FER: variants seen among roughly 807,000 people sequenced by gnomAD.
FER encodes the protein FER tyrosine kinase.
FER carries 63 observed loss-of-function variants against 111.0 expected under a neutral mutation model. The observed-to-expected ratio is 0.57, with a 90% CI of 0.46 to 0.70. The LOEUF (loss-of-function observed/expected upper bound fraction) is 0.70. FER is among the 30% of genes least tolerant of loss of function. The pLI is 0.00. For missense variants in FER, 914 were observed against 954.0 expected (o/e 0.96, Z 0.55); for synonymous variants, 327 against 313.9 (o/e 1.04, Z -0.44).
At chr5:108,873,279 A>C (rs1337015832) in intron 8 of FER, among the ~76,000 whole-genome samples, 3 of 151,986 alleles carry the variant, frequency 2.0e-5, no homozygotes, top group African/African-American at 7.3e-5. Flanking sequence ...GAGTAGCTGG[A>C]TTACAGGCAT....
chr5:108,837,440 A>G (rs571549681), intron 5 of FER, among the ~76,000 whole-genome samples: 1 of 152,312 alleles, frequency 6.6e-6, no homozygotes, highest in East Asian at 1.9e-4. Flanking sequence ...TTACTTCTTA[A>G]TCTGTCAAAA....
chr5:108,793,612 T>C (rs1320059163), intron 2 of FER, among the ~76,000 whole-genome samples: 2 of 151,756 alleles, frequency 1.3e-5, no homozygotes, highest in Non-Finnish European at 2.9e-5. Context: ...CTGTTCTCCA[T>C]AGTGGTTGTA....
chr5:108,944,375 C>T (rs763502213), intron 10 of FER, among the ~76,000 whole-genome samples: 37 of 152,208 alleles, frequency 2.4e-4, no homozygotes, highest in Non-Finnish European at 5.0e-4. Flanking sequence ...TTGTGAGGGG[C>T]CATCCTTTTG....
intron 5 of FER, among the ~76,000 whole-genome samples, chr5:108,853,160 C>A (rs561429020): frequency 6.6e-6 from 1 of 152,152 alleles, no homozygotes; most frequent in South Asian, 2.1e-4. Context: ...GTGATCTGAA[C>A]AGCACAAGGT....
intron 3 of FER, among the ~76,000 whole-genome samples, chr5:108,832,359 G>GATGC (rs1486472257): frequency 6.6e-6 from 1 of 152,190 alleles, no homozygotes; most frequent in African/African-American, 2.4e-5. Context: ...GCCACAGAGA[G>GATGC]ATGCAGGTTA....
intron 10 of FER, among the ~76,000 whole-genome samples, chr5:108,915,487 C>T (rs1752149293): frequency 6.6e-6 from 1 of 152,026 alleles, no homozygotes; most frequent in Non-Finnish European, 1.5e-5. Flanking sequence ...AAACAAATAA[C>T]TACTTTCTGA....
At chr5:108,810,443 C>T (rs907792997) in intron 3 of FER, among the ~76,000 whole-genome samples, 1 of 152,236 alleles carries the variant, frequency 6.6e-6, no homozygotes, top group Admixed American at 6.5e-5. Flanking sequence ...GCAGGCCTGC[C>T]TACCTGTCGC....
At chr5:108,921,690 G>A (rs528140808) in intron 10 of FER, among the ~76,000 whole-genome samples, 31 of 152,206 alleles carry the variant, frequency 2.0e-4, no homozygotes, top group East Asian at 9.7e-4. Context: ...TAGAAAAGAC[G>A]TTGACAATGT....
At chr5:108,855,355 G>T (rs954498595) in intron 5 of FER, among the ~76,000 whole-genome samples, 1 of 152,142 alleles carries the variant, frequency 6.6e-6, no homozygotes, top group Non-Finnish European at 1.5e-5. Flanking sequence ...AAGACCGGCC[G>T]GGCGCGGTGG....
intron 5 of FER, among the ~76,000 whole-genome samples, chr5:108,863,705 C>G (rs1763753270): frequency 6.6e-6 from 1 of 151,966 alleles, no homozygotes; most frequent in Non-Finnish European, 1.5e-5. Context: ...TTACTGATTT[C>G]TGATAAACAT....
At chr5:109,046,564 C>T (rs909842192) in intron 15 of FER, among the ~76,000 whole-genome samples, 4 of 151,810 alleles carry the variant, frequency 2.6e-5, no homozygotes, top group Non-Finnish European at 5.9e-5. Flanking sequence ...GACTCATTTG[C>T]ATCCACATTA....
intron 16 of FER, among the ~76,000 whole-genome samples, chr5:109,092,298 A>AT (rs1561884012): frequency 7.0e-6 from 1 of 143,282 alleles, no homozygotes; most frequent in Non-Finnish European, 1.5e-5. Context: ...AAAAAAAAAA[A>AT]AAAAAAAAAA....
chr5:108,918,955 G>A (rs2040560681), intron 10 of FER, among the ~76,000 whole-genome samples: 1 of 152,204 alleles, frequency 6.6e-6, no homozygotes, highest in African/African-American at 2.4e-5. Context: ...TGTAAAATTA[G>A]TAGGATTTGT....
At chr5:108,880,031 T>A (rs1765531599) in intron 8 of FER, among the ~76,000 whole-genome samples, 1 of 152,062 alleles carries the variant, frequency 6.6e-6, no homozygotes. Flanking sequence ...ATTTTATTCT[T>A]CTAAATTCAT....
At chr5:108,950,294 G>C (rs1757547227) in intron 11 of FER, among the ~76,000 whole-genome samples, 1 of 152,076 alleles carries the variant, frequency 6.6e-6, no homozygotes, top group African/African-American at 2.4e-5. Context: ...TACTATCCTA[G>C]AGAACAGTTT....
intron 17 of FER, among the ~76,000 whole-genome samples, chr5:109,105,778 A>C (rs763736902): frequency 1.3e-5 from 2 of 152,200 alleles, no homozygotes; most frequent in Non-Finnish European, 2.9e-5. Flanking sequence ...TTAAGGGCTC[A>C]CTGAGTACTA....
chr5:108,881,349 G>C (rs1765655314), intron 8 of FER, among the ~76,000 whole-genome samples: 1 of 152,154 alleles, frequency 6.6e-6, no homozygotes, highest in Non-Finnish European at 1.5e-5. Context: ...CAGGCAAAGA[G>C]AGTTTGTGCA....
At chr5:109,037,950 A>G (rs931933452) in intron 14 of FER, among the ~76,000 whole-genome samples, 34 of 151,940 alleles carry the variant, frequency 2.2e-4, no homozygotes, top group Non-Finnish European at 2.9e-5. Context: ...GGCATATTTC[A>G]ATCTAAAAAT....
intron 9 of FER, among the ~76,000 whole-genome samples, chr5:108,893,128 T>G (rs1748427154): frequency 6.6e-6 from 1 of 152,168 alleles, no homozygotes; most frequent in Non-Finnish European, 1.5e-5. Flanking sequence ...TTCTTTTGGC[T>G]TAGGATTGAC....
Sources: gnomAD v4.1 joint callset for allele counts (sites outside exome capture counted in the v4.1 genomes callset) on GRCh38, gnomAD v4.1.1 for gene constraint, MANE v1.5 for transcripts, NCBI Gene and HGNC (gene_info 2026-07-23, HGNC 2026-07-21) for gene names.